The following MS4A15 variants were observed in gnomAD, a reference collection of about 807,000 sequenced individuals.
The protein encoded by MS4A15 is membrane-spanning 4-domains subfamily A member 15.
Under a neutral mutation model 20.6 loss-of-function variants are expected in MS4A15, and 22 were observed. That is an observed-to-expected ratio of 1.07 (90% CI 0.76 to 1.52). MS4A15 has a LOEUF of 1.52. MS4A15 is among the 40% of genes most tolerant of loss of function. The probability of loss-of-function intolerance (pLI) is 0.00; values close to 1 mark genes in which losing one functional copy is unlikely to be tolerated. For missense variants in MS4A15, 312 were observed against 323.0 expected (o/e 0.97, Z 0.26); for synonymous variants, 129 against 129.3 (o/e 1.00, Z 0.02).
intron 1 of MS4A15, among the ~76,000 whole-genome samples, chr11:60,763,181 T>TTCTTGG (rs1853791285): frequency 6.6e-6 from 1 of 152,166 alleles, no homozygotes; most frequent in Non-Finnish European, 1.5e-5. Flanking sequence ...CTTGGCTACA[T>TTCTTGG]CAATGGTAAT....
rs994581678 is a variant in MS4A15, at chr11:60,771,365, G to T, written c.405+18G>T. The T allele has an allele frequency of 4.3e-6, 7 of 1,614,002 alleles. No homozygotes were observed. The highest frequency in any genetic ancestry group is 3.4e-6 in the Non-Finnish European group (4 of 1,180,012). ...GTTGCCTGGTGAGTGTGAACAGGGG[G>T]ACCCAGGGGCGGGGATGAAGCCACA... On this transcript the variant is annotated intron_variant, in intron 4 of 6. Coordinates refer to ENST00000405633, the MANE Select transcript of MS4A15 (RefSeq NM_001098835.2).
chr11:60,767,517 T>C lies in MS4A15; in HGVS notation c.226-16T>C, dbSNP rs1013238863. On this transcript the variant is annotated splice_polypyrimidine_tract_variant and intron_variant, in intron 2 of 6. Coordinates refer to ENST00000405633, the MANE Select transcript of MS4A15 (RefSeq NM_001098835.2). ...GGAACAGGGCCCGCGGCACTGAGCC[T>C]CGGGGCTTCCCGCAGACGGTGCAGA... The C allele has an allele frequency of 7.4e-5, 112 of 1,508,510 alleles. No homozygotes were observed. Among genetic ancestry groups the C allele is most frequent in the Non-Finnish European group, 9.5e-5 (107 of 1,121,920 alleles). The allele number at this position is 1,508,510 out of a possible 1,614,324, so 93.4% of individuals were successfully genotyped here. A position where few individuals can be genotyped will look rare whatever the true frequency, so the allele number is the denominator to read the frequency against.
intron 1 of MS4A15, among the ~76,000 whole-genome samples, chr11:60,761,963 CGT>C (rs1853754182): frequency 6.6e-6 from 1 of 152,144 alleles, no homozygotes; most frequent in Admixed American, 6.5e-5. Flanking sequence ...CTTAAAATGG[CGT>C]GCAGAATTTT....
Position 60,775,813 on chromosome 11 carries a change from C to G in MS4A15, c.*98C>G. ...TGTTCATCAGGGGCCAGCCCCATCC[C>G]AGCTGCCCTCCCTCACCACATCTAC... On this transcript the variant is annotated 3_prime_UTR_variant, in exon 7 of 7. Transcript: ENST00000405633. The G allele has an allele frequency of 1.1e-6, 1 of 899,782 alleles. No individual in the cohort carries two copies. 55.7% of individuals were successfully genotyped at this position (899,782 alleles called of 1,614,324 possible).
intron 2 of MS4A15, among the ~76,000 whole-genome samples, chr11:60,764,748 G>T (rs1853839364): frequency 6.6e-6 from 1 of 151,938 alleles, no homozygotes; most frequent in Admixed American, 6.6e-5. Flanking sequence ...GTCTCTACTA[G>T]AAATACAAAA....
At chr11:60,770,984 G>A (rs1381504259) in intron 3 of MS4A15, among the ~76,000 whole-genome samples, 1 of 152,168 alleles carries the variant, frequency 6.6e-6, no homozygotes, top group Non-Finnish European at 1.5e-5. Context: ...TGGGATTACA[G>A]GCATGAGCTC....
intron 6 of MS4A15, 59 bp from the exon 7 acceptor site, chr11:60,775,546 G>A: frequency 2.1e-6 from 3 of 1,426,846 alleles, no homozygotes; most frequent in Non-Finnish European, 2.9e-6. Context: ...GGGCACTATT[G>A]AACCACTACC....
intron 1 of MS4A15, among the ~76,000 whole-genome samples, chr11:60,760,547 G>C (rs1220124342): frequency 1.3e-5 from 2 of 152,138 alleles, no homozygotes; most frequent in Non-Finnish European, 2.9e-5. Context: ...AGATGCAGTT[G>C]CTCATTTGTT....
Position 60,775,815 on chromosome 11 carries a change from GCTGCCCTCCCTCACCAC to G in MS4A15, c.*101_*117del. ...TTCATCAGGGGCCAGCCCCATCCCAGCTGCCCTCCCTCACCACATCTACACATACTCCGGCATCTGAG... is the reference window on the plus strand; with the variant it reads ...TTCATCAGGGGCCAGCCCCATCCCAGATCTACACATACTCCGGCATCTGAG... On this transcript the variant is annotated 3_prime_UTR_variant, in exon 7 of 7. Transcript: ENST00000405633. 1 of 901,990 alleles carries G rather than the reference GCTGCCCTCCCTCACCAC, an allele frequency of 1.1e-6. No homozygotes were observed. 55.9% of individuals were successfully genotyped at this position (901,990 alleles called of 1,614,324 possible).
chr11:60,765,881 C>CA (rs11351320), intron 2 of MS4A15, among the ~76,000 whole-genome samples: 2,876 of 137,818 alleles, frequency 0.021, 55 homozygotes, highest in South Asian at 0.094. Flanking sequence ...TCTCCCCCTC[C>CA]AAAAAAAAAA....
At chr11:60,766,172 G>C (rs1853881170) in intron 2 of MS4A15, among the ~76,000 whole-genome samples, 1 of 152,196 alleles carries the variant, frequency 6.6e-6, no homozygotes, top group Non-Finnish European at 1.5e-5. Context: ...CCTGAGGTCA[G>C]GAGTTCGAGA....
At chr11:60,772,927 A>G (rs553435490) in intron 4 of MS4A15, among the ~76,000 whole-genome samples, 5 of 152,084 alleles carry the variant, frequency 3.3e-5, no homozygotes, top group Admixed American at 1.3e-4. Context: ...TCCGCCAGCC[A>G]CTTCCTGGAA....
chr11:60,767,246 T>A (rs1590980034), intron 2 of MS4A15, among the ~76,000 whole-genome samples: 2 of 152,102 alleles, frequency 1.3e-5, no homozygotes, highest in Admixed American at 6.5e-5. Context: ...GAAAGCCAGG[T>A]AGGGACACAG....
intron 3 of MS4A15, among the ~76,000 whole-genome samples, chr11:60,769,877 A>AC (rs1853988135): frequency 6.6e-6 from 1 of 151,944 alleles, no homozygotes; most frequent in Non-Finnish European, 1.5e-5. Context: ...CCTGCTTGAG[A>AC]CCTGTAGTGA....
Position 60,764,536 on chromosome 11 carries a change from T to G in MS4A15, c.225+578T>G, listed in dbSNP as rs532662619. ...TGAGCTATTGGTCTCAATAAAATACTGAAGTCATAAAATATTAGGTAGAGA... is the reference window on the plus strand; with the variant it reads ...TGAGCTATTGGTCTCAATAAAATACGGAAGTCATAAAATATTAGGTAGAGA... On this transcript the variant is annotated intron_variant, in intron 2 of 6. Transcript: ENST00000405633. 2.1e-4 allele frequency among the ~76,000 whole-genome samples: 32 copies of G among 152,356 alleles called. 1 individual carries two copies. The South Asian group carries it at 6.0e-3, about 29-fold the overall frequency.
At position 60,775,596 on chromosome 11, in the gene MS4A15, T is replaced by C. The variant is rs988064044; in HGVS notation, c.613-9T>C. On this transcript the variant is annotated splice_polypyrimidine_tract_variant and intron_variant, in intron 6 of 6. Transcript: ENST00000405633. Reference sequence around the variant, plus strand: ...TCCTCCAGGACGCTCAGTGCTGTTTTCTTTGCAGCCTGTGATCTTCCTGCC... The same window carrying C: ...TCCTCCAGGACGCTCAGTGCTGTTTCCTTTGCAGCCTGTGATCTTCCTGCC... 1.9e-6 allele frequency: 3 copies of C among 1,612,982 alleles called. No individual in the cohort carries two copies. The highest frequency in any genetic ancestry group is 2.5e-6 in the Non-Finnish European group (3 of 1,179,342).
chr11:60,761,155 C>T (rs976458322), intron 1 of MS4A15, among the ~76,000 whole-genome samples: 6 of 152,100 alleles, frequency 3.9e-5, no homozygotes, highest in Admixed American at 2.0e-4. Flanking sequence ...GACGAGAGGT[C>T]GATGGATGCC....
chr11:60,760,988 C>T (rs751708993), intron 1 of MS4A15, among the ~76,000 whole-genome samples: 34 of 152,150 alleles, frequency 2.2e-4, no homozygotes, highest in East Asian at 1.9e-4. Context: ...GAAAGTAAGA[C>T]GACATAGATG....
intron 3 of MS4A15, among the ~76,000 whole-genome samples, chr11:60,770,761 A>G: frequency 6.6e-6 from 1 of 150,598 alleles, no homozygotes; most frequent in East Asian, 2.1e-4. Context: ...GCTGGAGTGC[A>G]GTGGCACTAT....
Sources: allele counts gnomAD v4.1 joint callset (sites outside exome capture counted in the v4.1 genomes callset), GRCh38; gene constraint gnomAD v4.1.1; transcripts MANE v1.5; gene names NCBI Gene and HGNC (gene_info 2026-07-23, HGNC 2026-07-21).